Variants in ZNF10 observed in about 807,000 individuals in gnomAD.
ZNF10 encodes the protein zinc finger protein 10, also known as zinc finger protein 10 (KOX 1).
ZNF10 carries 8 observed loss-of-function variants against 12.2 expected under a neutral mutation model. The observed-to-expected ratio is 0.66, with a 90% CI of 0.39 to 1.18. ZNF10 has a LOEUF of 1.18. Among genes scored for constraint, ZNF10 ranks in the 50% most tolerant of loss-of-function variants. The pLI is 0.01. For synonymous variants in ZNF10, 229 were observed against 228.2 expected, an observed-to-expected ratio of 1.00 and a Z score of -0.03; for missense variants, 603 against 678.9, an observed-to-expected ratio of 0.89 and a Z score of 1.24.
chr12:133,156,221 A>G lies in ZNF10; in HGVS notation c.975A>G (p.Glu325=). Residue 325 remains glutamate (E), a synonymous_variant, in exon 5 of 5, where the codon GAA becomes GAG. Coordinates refer to ENST00000248211, the MANE Select transcript of ZNF10 (RefSeq NM_015394.5). The part of the protein sequence containing the change: ...HTGEEPYECK[E]CGKSFSWFSH... ...GTGAGGAACCCTATGAATGTAAAGAATGTGGAAAATCCTTCAGCTGGTTCT... is the reference window on the plus strand; with the variant it reads ...GTGAGGAACCCTATGAATGTAAAGAGTGTGGAAAATCCTTCAGCTGGTTCT... The G allele has an allele frequency of 3.1e-6, 5 of 1,614,106 alleles. No homozygotes were observed. The highest frequency in any genetic ancestry group is 4.2e-6 in the Non-Finnish European group (5 of 1,180,020).
intron 1 of ZNF10, among the ~76,000 whole-genome samples, chr12:133,133,019 C>T (rs1955889722): frequency 1.3e-5 from 2 of 152,044 alleles, no homozygotes; most frequent in African/African-American, 4.8e-5. Flanking sequence ...TTAAAAATTT[C>T]AGAATACGTA....
At chr12:133,155,383 G>C (rs972588706) in intron 4 of ZNF10, 120 bp from the exon 5 acceptor site, 2 of 1,088,680 alleles carry the variant, frequency 1.8e-6, no homozygotes, top group African/African-American at 3.2e-5. Flanking sequence ...CTCTATCAAA[G>C]TTATAAAGCC....
rs1488227363 is a variant in ZNF10 at position 133,157,704 on chromosome 12, C to G, written c.*736C>G. On this transcript the variant is annotated 3_prime_UTR_variant, in exon 5 of 5. Transcript: ENST00000248211. The stretch of plus-strand genomic sequence containing the variant: ...ACTTTTAAATATTGTAAGAGGATAT[C>G]TAGTTTCTCTATTCTACCATCAAAG... The G allele has an allele frequency of 6.6e-6, 1 of 152,166 alleles. No homozygotes were observed. The highest frequency in any genetic ancestry group is 1.5e-5 in the Non-Finnish European group (1 of 68,026). 9.4% of individuals were successfully genotyped at this position (152,166 alleles called of 1,614,324 possible). A position where few individuals can be genotyped will look rare whatever the true frequency, so the allele number is the denominator to read the frequency against.
intron 2 of ZNF10, among the ~76,000 whole-genome samples, chr12:133,149,715 C>G (rs776896007): frequency 1.3e-4 from 19 of 151,270 alleles, no homozygotes; most frequent in Admixed American, 2.0e-4. Context: ...ATGTTTAGAC[C>G]ATTTTTGTTT....
Position 133,155,535 on chromosome 12 carries a change from G to A in ZNF10, c.289G>A (p.Val97Ile). Reference sequence around the variant, plus strand: ...GACTGCATTTGAAATCAAATCATCAGTTTCCAGCAGGAGCATTTTTAAAGA... The same window carrying A: ...GACTGCATTTGAAATCAAATCATCAATTTCCAGCAGGAGCATTTTTAAAGA... ...SETAFEIKSS[V>I]SSRSIFKDKQ... Residue 97 changes from valine to isoleucine, a missense_variant, in exon 5 of 5, where the codon GTT becomes ATT. By Grantham distance (29) the Val-to-Ile change is conservative (BLOSUM62 3). This residue lies in a region of ZNF10 where 393 missense variants were observed against 399.7 expected (regional missense o/e 0.98). Coordinates refer to ENST00000248211, the MANE Select transcript of ZNF10 (RefSeq NM_015394.5). The A allele has an allele frequency of 6.3e-7, 1 of 1,596,378 alleles. No individual in the cohort carries two copies. Among genetic ancestry groups the A allele is most frequent in the Non-Finnish European group, 8.5e-7 (1 of 1,174,872 alleles).
chr12:133,138,326 T>G (rs950604876), intron 1 of ZNF10, among the ~76,000 whole-genome samples: 2 of 144,956 alleles, frequency 1.4e-5, no homozygotes, highest in South Asian at 2.1e-4. Context: ...GTAGTTTTGT[T>G]TTTTTTTTAA....
chr12:133,141,102 T>C (rs1389656180), intron 1 of ZNF10, among the ~76,000 whole-genome samples: 2 of 152,182 alleles, frequency 1.3e-5, no homozygotes, highest in East Asian at 3.9e-4. Flanking sequence ...ATAGGTCGTG[T>C]CTACCCAATC....
chr12:133,156,172 T>C lies in ZNF10; in HGVS notation c.926T>C (p.Ile309Thr), dbSNP rs574644933. The C allele has an allele frequency of 1.9e-6, 3 of 1,613,822 alleles. No individual in the cohort carries two copies. The highest frequency in any genetic ancestry group is 1.3e-5 in the African/African-American group (1 of 75,046). The change falls in exon 5 of 5, where the codon ATT becomes ACT. Residue 309 changes from isoleucine to threonine, a missense_variant. Ile to Thr is a moderately conservative substitution (Grantham distance 89). Coordinates refer to ENST00000248211, the MANE Select transcript of ZNF10 (RefSeq NM_015394.5). ...GKSFSRSSHL[I>T]GHQKTHTGEE... ...TCTTTCAGCCGGAGTTCTCACCTCA[T>C]TGGACATCAAAAGACCCATACTGGT...
chr12:133,140,669 T>C (rs1035810567), intron 1 of ZNF10, among the ~76,000 whole-genome samples: 1 of 152,210 alleles, frequency 6.6e-6, no homozygotes, highest in African/African-American at 2.4e-5. Context: ...AACATTGCAT[T>C]TTAAATTTAT....
chr12:133,138,586 C>T (rs1216026781), intron 1 of ZNF10, among the ~76,000 whole-genome samples: 4 of 152,142 alleles, frequency 2.6e-5, no homozygotes, highest in Non-Finnish European at 5.9e-5. Flanking sequence ...ACACATATGT[C>T]CTAATCCTTC....
intron 1 of ZNF10, chr12:133,130,965 G>A (rs1475033841): frequency 6.6e-6 from 1 of 152,206 alleles, no homozygotes; most frequent in Non-Finnish European, 1.5e-5. Context: ...TTGTTCTGTG[G>A]AGAATAACGG....
intron 1 of ZNF10, among the ~76,000 whole-genome samples, chr12:133,132,864 A>G (rs1229392352): frequency 2.0e-5 from 3 of 152,230 alleles, no homozygotes; most frequent in Non-Finnish European, 4.4e-5. Context: ...TACAGTGAAT[A>G]CTTATAAACC....
chr12:133,135,313 C>T (rs764959680), intron 1 of ZNF10, among the ~76,000 whole-genome samples: 8 of 152,148 alleles, frequency 5.3e-5, no homozygotes, highest in Non-Finnish European at 8.8e-5. Context: ...GGGCTCCAAA[C>T]TCTGCACTGT....
At position 133,144,529 on chromosome 12, in the gene ZNF10, A is replaced by T; in HGVS notation, c.33+4A>T. Reference sequence around the variant, plus strand: ...GTCACTAACTGCCTGGTCCCGGGTAAGCTGGGCTTTCTTCCCAGTTTCCAA... The same window carrying T: ...GTCACTAACTGCCTGGTCCCGGGTATGCTGGGCTTTCTTCCCAGTTTCCAA... On this transcript the variant is annotated splice_donor_region_variant and intron_variant, in intron 2 of 4. Coordinates refer to ENST00000248211, the MANE Select transcript of ZNF10 (RefSeq NM_015394.5). The T allele has an allele frequency of 6.2e-7, 1 of 1,613,836 alleles. No homozygotes were observed. The highest frequency in any genetic ancestry group is 8.5e-7 in the Non-Finnish European group (1 of 1,179,856).
At chr12:133,148,274 C>T (rs970712865) in intron 2 of ZNF10, among the ~76,000 whole-genome samples, 27 of 152,144 alleles carry the variant, frequency 1.8e-4, no homozygotes, top group African/African-American at 6.0e-4. Context: ...GTGTGCATCA[C>T]CATGCCCAGC....
At chr12:133,148,682 T>G (rs1244087435) in intron 2 of ZNF10, among the ~76,000 whole-genome samples, 1 of 152,092 alleles carries the variant, frequency 6.6e-6, no homozygotes, top group East Asian at 1.9e-4. Flanking sequence ...GATTAGTGTT[T>G]CCATAGTATA....
At chr12:133,145,346 G>A (rs1046571186) in intron 2 of ZNF10, among the ~76,000 whole-genome samples, 1 of 152,084 alleles carries the variant, frequency 6.6e-6, no homozygotes, top group African/African-American at 2.4e-5. Flanking sequence ...TACCTTCTTG[G>A]CATGTCTGTA....
Position 133,155,531 on chromosome 12 carries a change from A to G in ZNF10, c.285A>G (p.Ser95=), listed in dbSNP as rs745436400. 1.3e-5 allele frequency: 20 copies of G among 1,593,886 alleles called. No individual in the cohort carries two copies. Among genetic ancestry groups the G allele is most frequent in the Non-Finnish European group, 1.5e-5 (18 of 1,173,894 alleles). The change falls in exon 5 of 5, where the codon TCA becomes TCG. Residue 95 remains serine, a synonymous_variant. Coordinates refer to ENST00000248211, the MANE Select transcript of ZNF10 (RefSeq NM_015394.5). The part of the protein sequence containing the change: ...PDSETAFEIK[S]SVSSRSIFKD... ...CAGAGACTGCATTTGAAATCAAATC[A>G]TCAGTTTCCAGCAGGAGCATTTTTA...
chr12:133,139,843 T>G (rs1195077540), intron 1 of ZNF10, among the ~76,000 whole-genome samples: 1 of 152,080 alleles, frequency 6.6e-6, no homozygotes, highest in East Asian at 1.9e-4. Flanking sequence ...GAGGACTGCT[T>G]GAGGCTAGGA....
Sources: gnomAD v4.1 joint callset for allele counts (sites outside exome capture counted in the v4.1 genomes callset) on GRCh38, gnomAD v4.1.1 for gene constraint, gnomAD v4.1.1 regional missense constraint, MANE v1.5 for transcripts, NCBI Gene and HGNC (gene_info 2026-07-23, HGNC 2026-07-21) for gene names.